ATP13A4: variants seen among roughly 807,000 people sequenced by gnomAD.
ATP13A4 encodes probable cation-transporting ATPase 13A4.
Under a neutral mutation model 142.5 loss-of-function variants are expected in ATP13A4, and 114 were observed. The observed-to-expected ratio is 0.80, with a 90% CI of 0.69 to 0.93. The LOEUF is 0.93. ATP13A4 is among the 40% of genes least tolerant of loss of function. The pLI, the probability that ATP13A4 is intolerant of heterozygous loss-of-function variation, is 0.00. For synonymous variants in ATP13A4, 488 were observed against 514.8 expected (o/e 0.95, Z 0.70); for missense variants, 1,392 against 1,454.0 (o/e 0.96, Z 0.69).
chr3:193,412,629 C>G lies in ATP13A4; in HGVS notation c.3015-258G>C, dbSNP rs200648034. Among the ~76,000 whole-genome samples, 9 of 149,452 alleles carry G rather than the reference C, an allele frequency of 6.0e-5. No individual in the cohort carries two copies. In the East Asian group the frequency reaches 9.8e-4, roughly 16 times the overall value. On this transcript the variant is annotated intron_variant, in intron 26 of 29. Coordinates refer to ENST00000342695, the MANE Select transcript of ATP13A4 (RefSeq NM_032279.4). ...ATACATTGAGAGAGAGAGAGAGAGA[C>G]AGAGAGAGAGATTCAGCCAATTATG...
intron 1 of ATP13A4, among the ~76,000 whole-genome samples, chr3:193,584,228 T>G (rs1724625800): frequency 1.3e-5 from 2 of 152,112 alleles, no homozygotes; most frequent in Admixed American, 6.6e-5. Flanking sequence ...GATGCTTACA[T>G]GTGGAAAGCG....
chr3:193,415,300 G>C (rs112275611), intron 25 of ATP13A4, among the ~76,000 whole-genome samples: 380 of 152,252 alleles, frequency 2.5e-3, no homozygotes, highest in African/African-American at 8.6e-3. Context: ...GTGATATCCA[G>C]CAAAATGGTG....
At chr3:193,505,259 T>G (rs1720800717) in intron 2 of ATP13A4, among the ~76,000 whole-genome samples, 1 of 152,158 alleles carries the variant, frequency 6.6e-6, no homozygotes, top group Non-Finnish European at 1.5e-5. Flanking sequence ...TAGAATCTAA[T>G]TCCTGAAATC....
At position 193,444,416 on chromosome 3, in the gene ATP13A4, T is replaced by C. The variant is rs149969496; in HGVS notation, c.2153-1860A>G. On this transcript the variant is annotated intron_variant, in intron 18 of 29. Transcript: ENST00000342695. ...GAAGATAATTTGTTGACAGTGGACATGCTCAAAAAATAAACAACAACAAAA... is the reference window on the plus strand; with the variant it reads ...GAAGATAATTTGTTGACAGTGGACACGCTCAAAAAATAAACAACAACAAAA... Among the ~76,000 whole-genome samples, 1,191 of 152,294 alleles carry C rather than the reference T, an allele frequency of 7.8e-3. 24 individuals are homozygous for C. Among genetic ancestry groups the C allele is most frequent in the African/African-American group, 0.027 (1,122 of 41,560 alleles).
intron 1 of ATP13A4, among the ~76,000 whole-genome samples, chr3:193,583,587 G>T (rs1448739119): frequency 6.6e-6 from 1 of 151,994 alleles, no homozygotes. Context: ...TACTATGCAT[G>T]TAATCATAAT....
intron 7 of ATP13A4, among the ~76,000 whole-genome samples, chr3:193,486,925 T>C (rs903556097): frequency 6.6e-6 from 1 of 152,234 alleles, no homozygotes; most frequent in African/African-American, 2.4e-5. Context: ...AAAGTACATA[T>C]ATTTGCTTCA....
Position 193,413,755 on chromosome 3 carries a change from C to G in ATP13A4, c.3014+824G>C, listed in dbSNP as rs560270602. On this transcript the variant is annotated intron_variant, in intron 26 of 29. Coordinates refer to ENST00000342695, the MANE Select transcript of ATP13A4 (RefSeq NM_032279.4). ...GTGAATTTGAGGTCAGACTGGTTCT[C>G]TGCTCTTGAACCCTGTTTTCTGTTG... Among the ~76,000 whole-genome samples the G allele has an allele frequency of 1.7e-3, 252 of 152,324 alleles. 1 individual carries two copies. The highest frequency in any genetic ancestry group is 5.9e-3 in the African/African-American group (245 of 41,574).
rs191831294 is a variant in ATP13A4 at position 193,492,229 on chromosome 3, G to A, written c.533+688C>T. ...CTGCTAGGCTGTACATCTCTTCAAA[G>A]TACTAGAAATGGGGAAGGGGGAAGC... On this transcript the variant is annotated intron_variant, in intron 5 of 29. Coordinates refer to ENST00000342695, the MANE Select transcript of ATP13A4 (RefSeq NM_032279.4). Among the ~76,000 whole-genome samples the A allele has an allele frequency of 9.2e-5, 14 of 152,258 alleles. 1 individual carries two copies. The highest frequency in any genetic ancestry group is 7.9e-4 in the Admixed American group (12 of 15,284).
rs905825240 is a variant in ATP13A4 at position 193,399,637 on chromosome 3, A to C, written c.*3015T>G. ...GCCGAGGCGGGCGGATCACGAGGTCAGGAGATTGAAACCACCCTGGCTAAC... is the reference window on the plus strand; with the variant it reads ...GCCGAGGCGGGCGGATCACGAGGTCCGGAGATTGAAACCACCCTGGCTAAC... On this transcript the variant is annotated 3_prime_UTR_variant, in exon 30 of 30. Coordinates refer to ENST00000342695, the MANE Select transcript of ATP13A4 (RefSeq NM_032279.4). Among the ~76,000 whole-genome samples, 1 of 152,090 alleles carries C rather than the reference A, an allele frequency of 6.6e-6. No individual in the cohort carries two copies. Among genetic ancestry groups the C allele is most frequent in the Non-Finnish European group, 1.5e-5 (1 of 68,022 alleles).
intron 7 of ATP13A4, among the ~76,000 whole-genome samples, chr3:193,488,201 T>G (rs1430717742): frequency 6.6e-6 from 1 of 152,086 alleles, no homozygotes; most frequent in East Asian, 1.9e-4. Flanking sequence ...GAGGCAGAGG[T>G]TGCAGTGAGC....
At position 193,402,374 on chromosome 3, in the gene ATP13A4, G is replaced by A. The variant is rs1714294085; in HGVS notation, c.*278C>T. The stretch of plus-strand genomic sequence containing the variant: ...AAAGATCACATATTTTTCCCCTTTA[G>A]CCTGCTTGTCTCTTGGCCCATAGAA... On this transcript the variant is annotated 3_prime_UTR_variant, in exon 30 of 30. Transcript: ENST00000342695. The A allele has an allele frequency of 2.3e-6, 1 of 426,750 alleles. No homozygotes were observed. Among genetic ancestry groups the A allele is most frequent in the Non-Finnish European group, 4.3e-6 (1 of 232,614 alleles). 26.4% of individuals were successfully genotyped at this position (426,750 alleles called of 1,614,324 possible).
intron 2 of ATP13A4, among the ~76,000 whole-genome samples, chr3:193,564,136 G>C (rs1724082829): frequency 6.6e-6 from 1 of 152,206 alleles, no homozygotes; most frequent in South Asian, 2.1e-4. Flanking sequence ...ATTCAGAAAA[G>C]GCCTGGCTAA....
intron 1 of ATP13A4, among the ~76,000 whole-genome samples, chr3:193,541,122 G>A (rs1045302175): frequency 5.9e-5 from 9 of 151,498 alleles, no homozygotes; most frequent in Admixed American, 3.3e-4. Flanking sequence ...GGTGGCAGGC[G>A]CCTGTAGTCC....
At chr3:193,591,506 G>T (rs1233749798) in intron 1 of ATP13A4, among the ~76,000 whole-genome samples, 3 of 152,206 alleles carry the variant, frequency 2.0e-5, no homozygotes, top group Non-Finnish European at 4.4e-5. Flanking sequence ...AGGACATACA[G>T]ACCTAAAGCA....
rs761539967 is a variant in ATP13A4, at chr3:193,407,280, ACAAGATCAGCAGCC to A, written c.3378+19_3378+32del. The A allele has an allele frequency of 9.6e-6, 15 of 1,566,652 alleles. No individual in the cohort carries two copies. Among genetic ancestry groups the A allele is most frequent in the East Asian group, 2.2e-5 (1 of 44,500 alleles). ...CCCCTACACACATGCGTGCACACAC[ACAAGATCAGCAGCC>A]CAAGATCAGCACACTTACCTCGGCC... is the stretch of plus-strand genomic sequence containing the variant. On this transcript the variant is annotated intron_variant, in intron 29 of 29. Coordinates refer to ENST00000342695, the MANE Select transcript of ATP13A4 (RefSeq NM_032279.4).
chr3:193,523,002 T>A (rs1001528948), intron 1 of ATP13A4, among the ~76,000 whole-genome samples: 15 of 152,200 alleles, frequency 9.9e-5, no homozygotes, highest in Non-Finnish European at 8.8e-5. Flanking sequence ...TATTTTGTTA[T>A]TCAAAATGAG....
chr3:193,586,489 T>C (rs1157035364), intron 1 of ATP13A4, among the ~76,000 whole-genome samples: 1 of 152,232 alleles, frequency 6.6e-6, no homozygotes, highest in African/African-American at 2.4e-5. Flanking sequence ...TCCCAGTTTA[T>C]ACAATTTTTG....
intron 3 of ATP13A4, among the ~76,000 whole-genome samples, chr3:193,494,956 G>A (rs1226697016): frequency 2.6e-5 from 4 of 151,942 alleles, no homozygotes; most frequent in Non-Finnish European, 5.9e-5. Flanking sequence ...AAGACCCTAG[G>A]AGATTATTAT....
intron 21 of ATP13A4, 83 bp downstream of exon 21, chr3:193,440,475 A>G (rs1716563128): frequency 6.3e-7 from 1 of 1,599,552 alleles, no homozygotes; most frequent in African/African-American, 1.3e-5. Context: ...TGTCAAACTG[A>G]GTGACTCCTG....
Sources: gnomAD v4.1 joint callset for allele counts (sites outside exome capture counted in the v4.1 genomes callset) on GRCh38, gnomAD v4.1.1 for gene constraint, MANE v1.5 for transcripts, NCBI Gene and HGNC (gene_info 2026-07-23, HGNC 2026-07-21) for gene names.